The following NRXN1 variants were observed in gnomAD, a reference collection of about 807,000 sequenced individuals.
NRXN1 encodes neurexin-1.
Under a neutral mutation model 150.9 loss-of-function variants are expected in NRXN1, and 39 were observed. The ratio of observed to expected loss-of-function variants is 0.26; its 90% CI spans 0.20 to 0.34. NRXN1 has a LOEUF of 0.34. Ranked by LOEUF, NRXN1 falls within the 10% of genes least tolerant of loss-of-function variation. The pLI is 1.00. For missense variants in NRXN1, 1,815 were observed against 1,949.9 expected (o/e 0.93, Z 1.30); for synonymous variants, 924 against 757.0 (o/e 1.22, Z -3.62).
chr2:50,205,486 T>C (rs1429920060), intron 18 of NRXN1, among the ~76,000 whole-genome samples: 1 of 152,126 alleles, frequency 6.6e-6, no homozygotes, highest in African/African-American at 2.4e-5. Context: ...ATATACATTA[T>C]AGTTCATTTG....
intron 17 of NRXN1, among the ~76,000 whole-genome samples, chr2:50,403,159 T>A (rs549156825): frequency 2.2e-4 from 33 of 152,074 alleles, no homozygotes; most frequent in Admixed American, 5.9e-4. Context: ...CTTTGAACAA[T>A]GTATGTTGCT....
chr2:50,242,906 A>C (rs1050396360), intron 17 of NRXN1, among the ~76,000 whole-genome samples: 1 of 151,810 alleles, frequency 6.6e-6, no homozygotes, highest in Non-Finnish European at 1.5e-5. Context: ...GAAACATGAC[A>C]TGTCACAGAA....
chr2:50,478,494 T>C (rs2090178218), intron 15 of NRXN1, among the ~76,000 whole-genome samples: 1 of 151,656 alleles, frequency 6.6e-6, no homozygotes, highest in Non-Finnish European at 1.5e-5. Flanking sequence ...AAATCTCCAT[T>C]TTTTAAAAGA....
At chr2:50,204,621 C>T (rs550306458) in intron 18 of NRXN1, among the ~76,000 whole-genome samples, 1 of 152,110 alleles carries the variant, frequency 6.6e-6, no homozygotes, top group African/African-American at 2.4e-5. Flanking sequence ...TGTGTATAAA[C>T]TTTTCTGGAT....
intron 5 of NRXN1, among the ~76,000 whole-genome samples, chr2:50,864,840 C>T (rs1320170927): frequency 6.6e-6 from 1 of 151,854 alleles, no homozygotes; most frequent in African/African-American, 2.4e-5. Flanking sequence ...CAAGAAGCAC[C>T]CGGAAGAACT....
At chr2:50,263,181 CACACACACACACAT>C (rs945862890) in intron 17 of NRXN1, among the ~76,000 whole-genome samples, 5 of 150,946 alleles carry the variant, frequency 3.3e-5, no homozygotes, top group African/African-American at 4.9e-5. Context: ...CACACACACA[CACACACACACACAT>C]ACACAAACAG....
intron 5 of NRXN1, among the ~76,000 whole-genome samples, chr2:50,795,089 G>A (rs1706614363): frequency 6.6e-6 from 1 of 152,098 alleles, no homozygotes; most frequent in Non-Finnish European, 1.5e-5. Context: ...TTAGTAGTTA[G>A]TAGGAGATCA....
At chr2:50,938,573 A>C (rs926968644) in intron 2 of NRXN1, among the ~76,000 whole-genome samples, 1 of 152,080 alleles carries the variant, frequency 6.6e-6, no homozygotes, top group African/African-American at 2.4e-5. Context: ...CCCACTCCTG[A>C]TATCAATTTT....
chr2:50,915,702 G>T (rs1236527486), intron 5 of NRXN1, among the ~76,000 whole-genome samples: 4 of 151,284 alleles, frequency 2.6e-5, no homozygotes, highest in Non-Finnish European at 4.4e-5. Context: ...TAATGATACT[G>T]TTTTTGTTAA....
chr2:50,604,001 T>A (rs1676697113), intron 8 of NRXN1, among the ~76,000 whole-genome samples: 1 of 152,158 alleles, frequency 6.6e-6, no homozygotes, highest in South Asian at 2.1e-4. Context: ...ATATGTAAAT[T>A]TTGCTTGTGT....
At position 50,158,315 on chromosome 2, in the gene NRXN1, C is replaced by T. The variant is rs368480690; in HGVS notation, c.3547-66821G>A. ...CATCAAAATATTCTCCAGCTTCAAT[C>T]CATTTAACATAATTTAACTAAGGTA... On this transcript the variant is annotated intron_variant, in intron 18 of 22. Transcript: ENST00000401669. 1.1e-4 allele frequency among the ~76,000 whole-genome samples: 17 copies of T among 151,382 alleles called. No individual in the cohort carries two copies. In the South Asian group the frequency reaches 3.4e-3, roughly 30 times the overall value.
intron 5 of NRXN1, among the ~76,000 whole-genome samples, chr2:50,882,028 T>G (rs1043512988): frequency 6.6e-6 from 1 of 151,884 alleles, no homozygotes; most frequent in African/African-American, 2.4e-5. Flanking sequence ...TTTTTGTTCT[T>G]TGCAAATAAC....
Position 50,061,325 on chromosome 2 carries a change from C to T in NRXN1, c.3719-6281G>A, listed in dbSNP as rs572492053. 3.9e-4 allele frequency among the ~76,000 whole-genome samples: 60 copies of T among 152,166 alleles called. 1 individual carries two copies. In the South Asian group the frequency reaches 0.012, roughly 31 times the overall value. ...CAAAGGCAAAAATAATTTCCAATGA[C>T]CTTTTCTTTTCTTTGGAAAGGTTCA... On this transcript the variant is annotated intron_variant, in intron 19 of 22. Transcript: ENST00000401669.
intron 17 of NRXN1, among the ~76,000 whole-genome samples, chr2:50,414,610 C>T (rs1311331133): frequency 6.6e-6 from 1 of 151,918 alleles, no homozygotes; most frequent in African/African-American, 2.4e-5. Flanking sequence ...TTGGACACTA[C>T]TATCCTTCTT....
rs1206765024 is a variant in NRXN1, at chr2:50,919,186, T to C, written c.832+2683A>G. On this transcript the variant is annotated intron_variant, in intron 5 of 22. Coordinates refer to ENST00000401669, the MANE Select transcript of NRXN1 (RefSeq NM_001330078.2). ...AACATGTCTCCAGCTGACTTCGCCA[T>C]TTTTGTCATGTACACATGATAAGGG... is the stretch of plus-strand genomic sequence containing the variant. 6 of 151,692 alleles carry C rather than the reference T, an allele frequency of 4.0e-5. No individual in the cohort carries two copies. The highest frequency in any genetic ancestry group is 8.9e-5 in the Non-Finnish European group (6 of 67,782). The allele number at this position is 151,692 out of a possible 1,614,324, so 9.4% of individuals were successfully genotyped here.
intron 5 of NRXN1, among the ~76,000 whole-genome samples, chr2:50,779,628 C>T (rs1359529417): frequency 2.6e-5 from 4 of 151,830 alleles, no homozygotes; most frequent in East Asian, 1.9e-4. Context: ...ATTAGCTGGG[C>T]GTGGTGGCGG....
chr2:50,586,597 T>C (rs1310714286), intron 8 of NRXN1, among the ~76,000 whole-genome samples: 1 of 152,076 alleles, frequency 6.6e-6, no homozygotes, highest in Non-Finnish European at 1.5e-5. Context: ...TCAAAAGTAT[T>C]CTCCCCACAA....
At chr2:50,212,351 C>T (rs2063090915) in intron 18 of NRXN1, among the ~76,000 whole-genome samples, 1 of 149,858 alleles carries the variant, frequency 6.7e-6, no homozygotes, top group South Asian at 2.1e-4. Context: ...CACTTTAATT[C>T]CACAGATTAT....
chr2:50,465,638 T>C (rs2088749371), intron 16 of NRXN1, 77 bp from the exon 17 acceptor site: 2 of 1,453,514 alleles, frequency 1.4e-6, no homozygotes, highest in African/African-American at 1.4e-5. Flanking sequence ...AGATCACATG[T>C]AGTAGTTGCC....
Sources: allele counts gnomAD v4.1 joint callset (sites outside exome capture counted in the v4.1 genomes callset), GRCh38; gene constraint gnomAD v4.1.1; transcripts MANE v1.5; gene names NCBI Gene and HGNC (gene_info 2026-07-23, HGNC 2026-07-21).